The following DNAH14 variants were observed in gnomAD, a reference collection of about 807,000 sequenced individuals.
DNAH14 encodes dynein axonemal heavy chain 14.
A neutral mutation model predicts 520.9 loss-of-function variants in DNAH14; 478 were observed. The observed-to-expected ratio is 0.92, with a 90% CI of 0.85 to 0.99. DNAH14 has a LOEUF of 0.99. Ranked by LOEUF, DNAH14 falls within the 50% of genes least tolerant of loss-of-function variation. The probability of loss-of-function intolerance (pLI) is 0.00; values close to 1 mark genes in which losing one functional copy is unlikely to be tolerated. For missense variants in DNAH14, 4,831 were observed against 5,234.5 expected (o/e 0.92, Z 2.38); for synonymous variants, 1,581 against 1,757.2 (o/e 0.90, Z 2.51).
At chr1:225,148,652 G>A (rs1019727890) in intron 31 of DNAH14, among the ~76,000 whole-genome samples, 16 of 151,946 alleles carry the variant, frequency 1.1e-4, no homozygotes, top group Non-Finnish European at 1.8e-4. Flanking sequence ...TGCCCTCCTT[G>A]GCCTCTCAAA....
intron 78 of DNAH14, among the ~76,000 whole-genome samples, chr1:225,375,963 T>C (rs1354910593): frequency 2.0e-5 from 3 of 151,356 alleles, no homozygotes; most frequent in Non-Finnish European, 4.4e-5. Flanking sequence ...TGGTGTGCAC[T>C]TGTAGTCCCA....
At chr1:225,235,069 T>C (rs1258911223) in intron 42 of DNAH14, among the ~76,000 whole-genome samples, 1 of 152,190 alleles carries the variant, frequency 6.6e-6, no homozygotes, top group African/African-American at 2.4e-5. Flanking sequence ...TGGCCTGAAC[T>C]TCCAATACTA....
chr1:225,394,382 AT>A (rs996317617), intron 84 of DNAH14, among the ~76,000 whole-genome samples: 3 of 152,138 alleles, frequency 2.0e-5, no homozygotes, highest in Non-Finnish European at 4.4e-5. Flanking sequence ...ATGAACAAAA[AT>A]TTTTTTGTTT....
At chr1:225,071,752 G>A (rs2071569349) in intron 17 of DNAH14, among the ~76,000 whole-genome samples, 1 of 152,218 alleles carries the variant, frequency 6.6e-6, no homozygotes, top group African/African-American at 2.4e-5. Context: ...AAGCATGTTT[G>A]TCTTCACATG....
chr1:225,021,364 A>G (rs1421981409), intron 10 of DNAH14, among the ~76,000 whole-genome samples: 1 of 152,212 alleles, frequency 6.6e-6, no homozygotes, highest in Non-Finnish European at 1.5e-5. Flanking sequence ...ATCTGTTTGT[A>G]GATGATATGA....
Position 225,085,644 on chromosome 1 carries a change from C to G in DNAH14, c.3428C>G (p.Thr1143Ser). The change falls in exon 21 of 86, where the codon ACT (threonine) becomes AGT (serine). Residue 1143 changes from threonine (T) to serine (S), a missense_variant. Thr to Ser is a moderately conservative substitution (Grantham distance 58). Transcript: ENST00000682510. ...MLFKIIDFWNTTPLPLILHHT... is the reference protein window; with the variant it reads ...MLFKIIDFWNSTPLPLILHHT... The stretch of plus-strand genomic sequence containing the variant: ...TTTAAGATTATTGATTTTTGGAACA[C>G]TACTCCTTTGCCTTTAATTCTTCAC... The G allele has an allele frequency of 1.3e-6, 2 of 1,551,246 alleles. No individual in the cohort carries two copies. The highest frequency in any genetic ancestry group is 1.7e-6 in the Non-Finnish European group (2 of 1,146,744).
At chr1:225,105,420 A>AGTTCAATTCCTGG (rs1224113911) in intron 23 of DNAH14, among the ~76,000 whole-genome samples, 3 of 152,142 alleles carry the variant, frequency 2.0e-5, no homozygotes, top group African/African-American at 7.2e-5. Flanking sequence ...TGCAGAGCTG[A>AGTTCAATTCCTGG]GTTCAATTCC....
intron 40 of DNAH14, among the ~76,000 whole-genome samples, chr1:225,206,728 A>G (rs1044145887): frequency 6.6e-6 from 1 of 152,146 alleles, no homozygotes; most frequent in African/African-American, 2.4e-5. Flanking sequence ...CATAGCCTCA[A>G]TACACCTTCC....
intron 41 of DNAH14, among the ~76,000 whole-genome samples, chr1:225,221,764 G>A (rs780793508): frequency 1.2e-4 from 18 of 152,254 alleles, no homozygotes; most frequent in Non-Finnish European, 1.9e-4. Flanking sequence ...TGAACTGAAG[G>A]CAGCTGTTCT....
At chr1:225,000,258 GT>G (rs1290841017) in intron 8 of DNAH14, among the ~76,000 whole-genome samples, 1 of 152,092 alleles carries the variant, frequency 6.6e-6, no homozygotes, top group African/African-American at 2.4e-5. Context: ...CATTTGAATT[GT>G]TTTTCTCCTA....
At chr1:225,336,450 T>C (rs1220445483) in intron 66 of DNAH14, among the ~76,000 whole-genome samples, 1 of 151,372 alleles carries the variant, frequency 6.6e-6, no homozygotes, top group Non-Finnish European at 1.5e-5. Context: ...CCTAATAACA[T>C]GATCTCAAAT....
intron 17 of DNAH14, among the ~76,000 whole-genome samples, chr1:225,067,434 C>T (rs2071024552): frequency 6.6e-6 from 1 of 152,070 alleles, no homozygotes; most frequent in African/African-American, 2.4e-5. Flanking sequence ...TATATGTATG[C>T]ATGTGTCTTT....
chr1:225,237,980 C>T (rs892415747), intron 42 of DNAH14, among the ~76,000 whole-genome samples: 23 of 152,252 alleles, frequency 1.5e-4, no homozygotes, highest in Admixed American at 7.2e-4. Flanking sequence ...GGTTATGTTC[C>T]TCTCTAAACT....
intron 42 of DNAH14, among the ~76,000 whole-genome samples, chr1:225,234,443 C>T (rs2091408213): frequency 1.3e-5 from 2 of 152,238 alleles, no homozygotes; most frequent in African/African-American, 4.8e-5. Flanking sequence ...CCACCTCAGC[C>T]TCCCAAAGTG....
chr1:225,266,436 C>T (rs1558205338), intron 48 of DNAH14, among the ~76,000 whole-genome samples: 1 of 152,050 alleles, frequency 6.6e-6, no homozygotes, highest in African/African-American at 2.4e-5. Context: ...TGAAAACTTA[C>T]TGTTTTTAAA....
At chr1:225,312,804 G>A (rs925352844) in intron 60 of DNAH14, among the ~76,000 whole-genome samples, 2 of 152,092 alleles carry the variant, frequency 1.3e-5, no homozygotes, top group African/African-American at 2.4e-5. Context: ...CAACTTGATC[G>A]TGGTGGATAA....
At chr1:225,146,847 C>A (rs2079994148) in intron 30 of DNAH14, among the ~76,000 whole-genome samples, 2 of 152,042 alleles carry the variant, frequency 1.3e-5, no homozygotes, top group African/African-American at 4.8e-5. Context: ...AGCTGTGGCC[C>A]TGTCTTCACG....
intron 77 of DNAH14, among the ~76,000 whole-genome samples, chr1:225,373,679 C>CTA (rs1248203310): frequency 6.6e-6 from 1 of 152,146 alleles, no homozygotes; most frequent in South Asian, 2.1e-4. Flanking sequence ...GATCTGACGG[C>CTA]TAAAGTCGGG....
rs1241666457 is a variant in DNAH14 at position 225,368,774 on chromosome 1, T to A, written c.12318+742T>A. ...ATAACCTAGACCCACTCTAGATGGG[T>A]AGCCTTCTATGTCTTCTATATGTTT... On this transcript the variant is annotated intron_variant, in intron 77 of 85. Coordinates refer to ENST00000682510, the MANE Select transcript of DNAH14 (RefSeq NM_001367479.1). 2.0e-5 allele frequency among the ~76,000 whole-genome samples: 3 copies of A among 152,184 alleles called. No individual in the cohort carries two copies. The East Asian group carries it at 5.8e-4, about 29-fold the overall frequency.
Sources: allele counts gnomAD v4.1 joint callset (sites outside exome capture counted in the v4.1 genomes callset), GRCh38; gene constraint gnomAD v4.1.1; transcripts MANE v1.5; gene names NCBI Gene and HGNC (gene_info 2026-07-23, HGNC 2026-07-21).